The following SPAG1 variants were observed in gnomAD, a reference collection of about 807,000 sequenced individuals.
SPAG1 encodes sperm-associated antigen 1.
A neutral mutation model predicts 100.5 loss-of-function variants in SPAG1; 69 were observed. The observed-to-expected ratio is 0.69, with a 90% confidence interval of 0.57 to 0.84. SPAG1 has a LOEUF of 0.84. Among genes scored for constraint, SPAG1 ranks in the 40% least tolerant of loss-of-function variants. SPAG1 has a pLI of 0.00. For synonymous variants in SPAG1, 336 were observed against 411.6 expected (o/e 0.82, Z 2.22); for missense variants, 955 against 1,133.1 (o/e 0.84, Z 2.26).
chr8:100,202,378 T>A (rs1019070667), intron 10 of SPAG1, among the ~76,000 whole-genome samples: 5 of 151,076 alleles, frequency 3.3e-5, no homozygotes, highest in Non-Finnish European at 7.4e-5. Flanking sequence ...AAAAAACCTG[T>A]TCTTTTCCTA....
At chr8:100,219,194 G>C (rs143110093) in intron 12 of SPAG1, among the ~76,000 whole-genome samples, 37 of 152,334 alleles carry the variant, frequency 2.4e-4, no homozygotes, top group Non-Finnish European at 1.8e-4. Context: ...AATCATTGTA[G>C]ACAGGAATAG....
chr8:100,168,448 C>T (rs1430055246), intron 3 of SPAG1, among the ~76,000 whole-genome samples: 1 of 152,080 alleles, frequency 6.6e-6, no homozygotes, highest in African/African-American at 2.4e-5. Context: ...GGCTGGAGTG[C>T]AGTGGCACCA....
At chr8:100,189,176 TAA>T (rs113314634) in intron 8 of SPAG1, among the ~76,000 whole-genome samples, 88 of 124,952 alleles carry the variant, frequency 7.0e-4, no homozygotes, top group Admixed American at 9.7e-4. Flanking sequence ...TACTAAAAAT[TAA>T]AAAAAAAAAA....
chr8:100,227,360 A>G (rs114285721), intron 14 of SPAG1, among the ~76,000 whole-genome samples: 3,350 of 152,284 alleles, frequency 0.022, 104 homozygotes, highest in African/African-American at 0.075. Context: ...TAGAAACTCC[A>G]TATGTGTCCC....
intron 4 of SPAG1, among the ~76,000 whole-genome samples, chr8:100,178,451 A>C (rs1040693410): frequency 4.0e-5 from 6 of 151,332 alleles, no homozygotes; most frequent in African/African-American, 1.5e-4. Context: ...CTATTTTGTC[A>C]CATAGACCTC....
At chr8:100,194,659 C>T in intron 10 of SPAG1, 2 of 374,384 alleles carry the variant, frequency 5.3e-6, no homozygotes, top group Admixed American at 4.5e-5. Flanking sequence ...CATTTATATG[C>T]CAAAAATGAA....
chr8:100,216,253 A>T (rs551849269), intron 12 of SPAG1, among the ~76,000 whole-genome samples: 48 of 152,266 alleles, frequency 3.2e-4, no homozygotes, highest in African/African-American at 1.1e-3. Context: ...CTTTCAGCTC[A>T]ACTGTCTGTT....
chr8:100,167,413 AT>A (rs1417258373), intron 3 of SPAG1, among the ~76,000 whole-genome samples: 2 of 152,186 alleles, frequency 1.3e-5, no homozygotes, highest in African/African-American at 4.8e-5. Flanking sequence ...ACACTAAGAG[AT>A]TAACAATAAA....
chr8:100,165,219 T>C (rs1815495248), intron 2 of SPAG1: 3 of 512,680 alleles, frequency 5.9e-6, no homozygotes, highest in African/African-American at 2.0e-5. Flanking sequence ...AAGCAGCCGA[T>C]ATTAACAACT....
At chr8:100,169,185 G>A (rs1192238896) in intron 3 of SPAG1, among the ~76,000 whole-genome samples, 3 of 151,538 alleles carry the variant, frequency 2.0e-5, no homozygotes, top group Non-Finnish European at 4.4e-5. Context: ...TTTTGTATTG[G>A]TGTTTGAACA....
At chr8:100,209,054 G>A (rs1937600450) in intron 10 of SPAG1, among the ~76,000 whole-genome samples, 1 of 152,052 alleles carries the variant, frequency 6.6e-6, no homozygotes, top group African/African-American at 2.4e-5. Context: ...CCTTAATCTG[G>A]TGGGCACACT....
At chr8:100,221,116 A>G (rs751973045) in intron 13 of SPAG1, among the ~76,000 whole-genome samples, 21 of 152,172 alleles carry the variant, frequency 1.4e-4, no homozygotes, top group Non-Finnish European at 2.6e-4. Flanking sequence ...AGTACTAGCT[A>G]TAGAATAAGA....
chr8:100,205,625 G>A (rs968038889), intron 10 of SPAG1, among the ~76,000 whole-genome samples: 3 of 152,162 alleles, frequency 2.0e-5, no homozygotes, highest in African/African-American at 7.2e-5. Context: ...GAAGCCACTA[G>A]AGCTGCCTCT....
Position 100,197,802 on chromosome 8 carries a change from A to C in SPAG1, c.1096+3534A>C, listed in dbSNP as rs1586460107. ...GACTGGGGTATAACATAACTGATGA[A>C]TTTAATTTAACAACTGACAATTATT... On this transcript the variant is annotated intron_variant, in intron 10 of 18. Coordinates refer to ENST00000388798, the MANE Select transcript of SPAG1 (RefSeq NM_003114.5). Among the ~76,000 whole-genome samples the C allele has an allele frequency of 2.6e-5, 4 of 152,314 alleles. No homozygotes were observed. In the South Asian group the frequency reaches 8.3e-4, roughly 32 times the overall value.
chr8:100,167,208 C>T (rs1340309732), intron 3 of SPAG1, among the ~76,000 whole-genome samples: 2 of 152,098 alleles, frequency 1.3e-5, no homozygotes, highest in Non-Finnish European at 2.9e-5. Context: ...GTACTCTTTG[C>T]TGGATACTGT....
At chr8:100,172,668 A>ATGTGTG (rs1199821116) in intron 3 of SPAG1, among the ~76,000 whole-genome samples, 1 of 100,566 alleles carries the variant, frequency 9.9e-6, no homozygotes, top group South Asian at 3.2e-4. Flanking sequence ...GTGTGTGTGT[A>ATGTGTG]TGTGTGTGTG....
chr8:100,198,243 A>G (rs7816209), intron 10 of SPAG1, among the ~76,000 whole-genome samples: 26,216 of 152,120 alleles, frequency 0.17, 2,507 homozygotes, highest in South Asian at 0.23. Context: ...GGATCAGGAG[A>G]GTGGAAGTCA....
chr8:100,176,784 T>G (rs867347795), intron 3 of SPAG1, among the ~76,000 whole-genome samples: 1 of 150,428 alleles, frequency 6.6e-6, no homozygotes, highest in African/African-American at 2.4e-5. Context: ...GCCGCAGTGA[T>G]GCAATGATGG....
At chr8:100,172,629 A>AAT (rs1444162490) in intron 3 of SPAG1, among the ~76,000 whole-genome samples, 1 of 106,890 alleles carries the variant, frequency 9.4e-6, no homozygotes, top group South Asian at 3.3e-4. Flanking sequence ...AAAAAAAAGA[A>AAT]ATATATGTGT....
Sources: gnomAD v4.1 joint callset for allele counts (sites outside exome capture counted in the v4.1 genomes callset) on GRCh38, gnomAD v4.1.1 for gene constraint, MANE v1.5 for transcripts, NCBI Gene and HGNC (gene_info 2026-07-23, HGNC 2026-07-21) for gene names.